PRSS23: variants seen among roughly 807,000 people sequenced by gnomAD.
PRSS23 encodes serine protease 23.
In PRSS23, 25 loss-of-function variants were observed where a neutral mutation model predicts 34.7. That is an observed-to-expected ratio of 0.72 (90% confidence interval 0.53 to 1.01). The LOEUF (loss-of-function observed/expected upper bound fraction) is 1.01. Among genes scored for constraint, PRSS23 ranks in the 50% least tolerant of loss-of-function variants. The pLI is 0.00. For missense variants in PRSS23, 445 were observed against 475.6 expected, an observed-to-expected ratio of 0.94 and a Z score of 0.60; for synonymous variants, 176 against 186.6, an observed-to-expected ratio of 0.94 and a Z score of 0.46.
intron 2 of PRSS23, among the ~76,000 whole-genome samples, chr11:86,943,808 A>C (rs917720934): frequency 6.6e-6 from 1 of 151,808 alleles, no homozygotes; most frequent in Non-Finnish European, 1.5e-5. Flanking sequence ...CAATGGCACG[A>C]TCTCGGCTCA....
At chr11:86,901,139 C>T (rs999593440) in intron 2 of PRSS23, among the ~76,000 whole-genome samples, 10 of 152,068 alleles carry the variant, frequency 6.6e-5, no homozygotes, top group Non-Finnish European at 2.9e-5. Context: ...ATTAGGCCCA[C>T]CACTATTGTA....
chr11:86,803,268 C>T (rs1279861817), intron 1 of PRSS23, among the ~76,000 whole-genome samples: 4 of 152,134 alleles, frequency 2.6e-5, no homozygotes, highest in Non-Finnish European at 4.4e-5. Flanking sequence ...TGTGAGTCTT[C>T]CAGGCAGCTC....
downstream of PRSS23, chr11:86,811,286 A>G (rs1332881739): frequency 6.1e-6 from 1 of 165,056 alleles, no homozygotes; most frequent in African/African-American, 2.4e-5. Flanking sequence ...TACTAAATAC[A>G]TTCTGGGGAT....
chr11:86,878,955 C>G (rs12363204), intron 2 of PRSS23, among the ~76,000 whole-genome samples: 688 of 43,100 alleles, frequency 0.016, no homozygotes, highest in Middle Eastern at 0.045. Flanking sequence ...TCTGCCCGGC[C>G]GCCATCCCGT....
Position 86,915,351 on chromosome 11 carries a change from G to T in PRSS23, c.207-35865G>T, listed in dbSNP as rs542023111. On this transcript the variant is annotated intron_variant, in intron 2 of 2. Coordinates refer to the PRSS23 transcript ENST00000533902. ...GCTCAGGAGTTAAAGAGACTTAGGT[G>T]TAAAGCCTGGCTTTGAACTTGGGAC... Among the ~76,000 whole-genome samples, 168 of 152,182 alleles carry T rather than the reference G, an allele frequency of 1.1e-3. 1 individual carries two copies. The highest frequency in any genetic ancestry group is 1.9e-3 in the Non-Finnish European group (126 of 67,994).
At position 86,807,686 on chromosome 11, in the gene PRSS23, C is replaced by T. The variant is rs751626725; in HGVS notation, c.43C>T (p.Leu15Phe). Residue 15 changes from leucine to phenylalanine, a missense_variant, in exon 2 of 2, where the codon CTC (leucine) becomes TTC (phenylalanine). Leu to Phe is a conservative substitution (Grantham distance 22, BLOSUM62 0). Transcript: ENST00000280258. ...GCTCCTCTTCCTTCTCTTCTTTCTG[C>T]TCTGTGCTGTTGGGCAAGTGAGCCC... Reference protein sequence around the residue: ...PGLLFLLFFLLCAVGQVSPYS... With the variant: ...PGLLFLLFFLFCAVGQVSPYS... The T allele has an allele frequency of 6.2e-7, 1 of 1,613,960 alleles. No individual in the cohort carries two copies.
At chr11:86,823,260 T>C (rs1948267324) in intron 1 of PRSS23, 1 of 625,472 alleles carries the variant, frequency 1.6e-6, no homozygotes, top group Admixed American at 2.7e-5. Context: ...AAAAAATGTA[T>C]GATTAATCTC....
At chr11:86,938,841 G>T (rs1169195060) in intron 2 of PRSS23, among the ~76,000 whole-genome samples, 2 of 152,002 alleles carry the variant, frequency 1.3e-5, no homozygotes, top group African/African-American at 4.8e-5. Flanking sequence ...ACCTAAGAAG[G>T]CCCCTGTAAA....
Position 86,809,009 on chromosome 11 carries a change from C to A in PRSS23, c.*214C>A, listed in dbSNP as rs1360939598. The A allele has an allele frequency of 2.4e-5, 11 of 459,544 alleles. No homozygotes were observed. The highest frequency in any genetic ancestry group is 3.9e-5 in the Admixed American group (1 of 25,454). The allele number at this position is 459,544 out of a possible 1,614,324, so 28.5% of individuals were successfully genotyped here. A position where few individuals can be genotyped will look rare whatever the true frequency, so the allele number is the denominator to read the frequency against. On this transcript the variant is annotated 3_prime_UTR_variant, in exon 2 of 2. Transcript: ENST00000280258. ...TGTATCATATCATATATCATTTAAG[C>A]AGTTTGAAGGCATACTTTTGCATAG...
At chr11:86,939,284 T>A (rs1401615746) in intron 2 of PRSS23, among the ~76,000 whole-genome samples, 1 of 151,706 alleles carries the variant, frequency 6.6e-6, no homozygotes, top group Non-Finnish European at 1.5e-5. Flanking sequence ...AAAGTTGTTC[T>A]GCCTGTATTC....
chr11:86,929,389 T>A (rs1565389486), intron 2 of PRSS23, among the ~76,000 whole-genome samples: 1 of 150,286 alleles, frequency 6.7e-6, no homozygotes, highest in East Asian at 2.0e-4. Context: ...ATGCCTATAA[T>A]CCTAGTACTT....
chr11:86,822,583 T>C (rs1948260491), intron 1 of PRSS23, among the ~76,000 whole-genome samples: 1 of 146,686 alleles, frequency 6.8e-6, no homozygotes, highest in Admixed American at 6.9e-5. Flanking sequence ...ATCACGCCAC[T>C]GCACTTCAGC....
rs781583469 is a variant in PRSS23, at chr11:86,950,620, G to C, written c.207-596G>C. 4.9e-4 allele frequency: 92 copies of C among 188,674 alleles called. No homozygotes were observed. Among genetic ancestry groups the C allele is most frequent in the Non-Finnish European group, 9.0e-4 (80 of 89,202 alleles). 11.7% of individuals were successfully genotyped at this position (188,674 alleles called of 1,614,324 possible). ...TCTAAACAGCAGACAGCGCACCACAGAAGATGTTTATGTTACATCAGCCAA... is the reference window on the plus strand; with the variant it reads ...TCTAAACAGCAGACAGCGCACCACACAAGATGTTTATGTTACATCAGCCAA... On this transcript the variant is annotated intron_variant, in intron 2 of 2. Coordinates refer to the PRSS23 transcript ENST00000533902.
chr11:86,900,666 CTTCTT>C (rs1948905430), intron 2 of PRSS23, among the ~76,000 whole-genome samples: 1 of 151,726 alleles, frequency 6.6e-6, no homozygotes, highest in Admixed American at 6.6e-5. Context: ...GCGGCATCCT[CTTCTT>C]TTCAGCTCAG....
chr11:86,864,240 A>G (rs1948635377), intron 2 of PRSS23, among the ~76,000 whole-genome samples: 1 of 152,010 alleles, frequency 6.6e-6, no homozygotes, highest in African/African-American at 2.4e-5. Context: ...TTTTCCCCAA[A>G]GACTAGTGTT....
chr11:86,807,860 A>T lies in PRSS23; in HGVS notation c.217A>T (p.Thr73Ser), dbSNP rs1948121715. The T allele has an allele frequency of 1.2e-6, 2 of 1,613,652 alleles. No individual in the cohort carries two copies. The highest frequency in any genetic ancestry group is 1.7e-6 in the Non-Finnish European group (2 of 1,179,964). ...ATGTGGACCCCAGTGTCATAAGGGAACTCCACTGCCCACTTACGAAGAGGC... is the reference window on the plus strand; with the variant it reads ...ATGTGGACCCCAGTGTCATAAGGGATCTCCACTGCCCACTTACGAAGAGGC... ...SSCGPQCHKG[T>S]PLPTYEEAKQ... Residue 73 changes from threonine (T) to serine (S), a missense_variant, in exon 2 of 2, where the codon ACT (threonine) becomes TCT (serine). By Grantham distance (58) the Thr-to-Ser change is moderately conservative. Transcript: ENST00000280258.
chr11:86,848,607 G>A (rs1415194328), intron 2 of PRSS23, among the ~76,000 whole-genome samples: 1 of 152,138 alleles, frequency 6.6e-6, no homozygotes, highest in Non-Finnish European at 1.5e-5. Context: ...CCGTAACTCC[G>A]GATTCCCTGG....
chr11:86,821,258 C>T lies in PRSS23; in HGVS notation c.-11-2119C>T, dbSNP rs1023955698. The T allele has an allele frequency of 4.4e-5, 23 of 518,124 alleles. 2 individuals are homozygous for T. Among genetic ancestry groups the T allele is most frequent in the Middle Eastern group, 1.3e-3 (2 of 1,522 alleles). The allele number at this position is 518,124 out of a possible 1,614,324, so 32.1% of individuals were successfully genotyped here. On this transcript the variant is annotated intron_variant, in intron 1 of 2. Coordinates refer to the PRSS23 transcript ENST00000533902. ...CTAATTCATCACAAATTTAGTAATC[C>T]GATGACACAAAAATGTTTCCTTTTC...
At chr11:86,812,424 C>T (rs566295629), downstream of PRSS23, among the ~76,000 whole-genome samples, 1 of 152,280 alleles carries the variant, frequency 6.6e-6, no homozygotes, top group East Asian at 1.9e-4. Context: ...TCTGGGCGAT[C>T]AACAACACAT....
Sources: allele counts gnomAD v4.1 joint callset (sites outside exome capture counted in the v4.1 genomes callset), GRCh38; gene constraint gnomAD v4.1.1; transcripts MANE v1.5; gene names NCBI Gene and HGNC (gene_info 2026-07-23, HGNC 2026-07-21).